LRRK2: variants seen among roughly 807,000 people sequenced by gnomAD.
LRRK2 encodes leucine-rich repeat serine/threonine-protein kinase 2.
LRRK2 carries 203 observed loss-of-function variants against 302.6 expected under a neutral mutation model. The ratio of observed to expected loss-of-function variants is 0.67; its 90% CI spans 0.60 to 0.75. LRRK2 has a LOEUF of 0.75. LRRK2 is among the 30% of genes least tolerant of loss of function. The probability of loss-of-function intolerance (pLI) is 0.00; values close to 1 mark genes in which losing one functional copy is unlikely to be tolerated. For synonymous variants in LRRK2, 1,066 were observed against 1,031.9 expected (o/e 1.03, Z -0.63); for missense variants, 2,830 against 2,951.0 (o/e 0.96, Z 0.95).
chr12:40,256,292 A>G (rs1942501373), intron 11 of LRRK2, among the ~76,000 whole-genome samples: 1 of 152,076 alleles, frequency 6.6e-6, no homozygotes, highest in Non-Finnish European at 1.5e-5. Flanking sequence ...ACAAAATATT[A>G]ACAAAAATTA....
At chr12:40,244,790 G>A (rs1021105127) in intron 7 of LRRK2, among the ~76,000 whole-genome samples, 1 of 150,734 alleles carries the variant, frequency 6.6e-6, no homozygotes, top group African/African-American at 2.4e-5. Context: ...GCTAGATGAC[G>A]AGTTAGTGGG....
At chr12:40,280,862 C>G (rs1943662513) in intron 18 of LRRK2, among the ~76,000 whole-genome samples, 1 of 151,356 alleles carries the variant, frequency 6.6e-6, no homozygotes, top group South Asian at 2.1e-4. Context: ...GTCAGGAGAT[C>G]GAGACCATCC....
At chr12:40,298,775 A>G in intron 24 of LRRK2, among the ~76,000 whole-genome samples, 1 of 102,850 alleles carries the variant, frequency 9.7e-6, no homozygotes, top group Non-Finnish European at 1.9e-5. Flanking sequence ...TCTGTCTCAA[A>G]GAAATATATA....
At chr12:40,350,849 T>C (rs1946328454) in intron 43 of LRRK2, among the ~76,000 whole-genome samples, 1 of 152,198 alleles carries the variant, frequency 6.6e-6, no homozygotes, top group Admixed American at 6.5e-5. Context: ...ACAGAATACT[T>C]AACAAATATG....
chr12:40,251,444 C>A (rs1942267827), intron 9 of LRRK2, 21 bp from the exon 10 acceptor site: 2 of 1,611,356 alleles, frequency 1.2e-6, no homozygotes, highest in Non-Finnish European at 8.5e-7. Flanking sequence ...TGACAGATTT[C>A]TTTTTTCTCC....
In LRRK2 at chr12:40,368,987, G is replaced by A. The variant is rs1318390083; in HGVS notation, c.*1222G>A. 6.6e-6 allele frequency: 1 copy of A among 151,792 alleles called. No homozygotes were observed. The highest frequency in any genetic ancestry group is 1.5e-5 in the Non-Finnish European group (1 of 67,760). The allele number at this position is 151,792 out of a possible 1,614,324, so 9.4% of individuals were successfully genotyped here. Reference sequence around the variant, plus strand: ...TATTTCAGATAATTCCCTGTGATAGGACAACTAGTACATTTAATATTCTCA... The same window carrying A: ...TATTTCAGATAATTCCCTGTGATAGAACAACTAGTACATTTAATATTCTCA... On this transcript the variant is annotated 3_prime_UTR_variant, in exon 51 of 51. Transcript: ENST00000298910.
chr12:40,284,924 C>G (rs1943859303), intron 19 of LRRK2, among the ~76,000 whole-genome samples: 1 of 152,086 alleles, frequency 6.6e-6, no homozygotes, highest in Admixed American at 6.6e-5. Context: ...GTCTACCAGT[C>G]TACTTTTTCC....
intron 33 of LRRK2, among the ~76,000 whole-genome samples, chr12:40,317,836 C>T (rs1010570559): frequency 1.3e-5 from 2 of 152,136 alleles, no homozygotes; most frequent in African/African-American, 2.4e-5. Flanking sequence ...CAAACCCCCT[C>T]GAAACTTGGA....
At chr12:40,328,282 A>G (rs942822387) in intron 38 of LRRK2, 78 bp from the exon 39 acceptor site, 31 of 1,101,920 alleles carry the variant, frequency 2.8e-5, no homozygotes, top group Non-Finnish European at 4.1e-5. Flanking sequence ...AACAGATATA[A>G]TTACAACAGA....
intron 25 of LRRK2, among the ~76,000 whole-genome samples, chr12:40,299,485 G>A (rs1944540172): frequency 6.6e-6 from 1 of 152,172 alleles, no homozygotes; most frequent in African/African-American, 2.4e-5. Context: ...AAGCCAATCT[G>A]AAAAGGCTAC....
intron 3 of LRRK2, among the ~76,000 whole-genome samples, chr12:40,233,356 T>C (rs1454119321): frequency 6.6e-6 from 1 of 152,242 alleles, no homozygotes; most frequent in African/African-American, 2.4e-5. Flanking sequence ...AAATTTAATT[T>C]ATGAAAAATT....
chr12:40,353,556 G>A (rs1592329893), intron 44 of LRRK2, among the ~76,000 whole-genome samples: 1 of 151,716 alleles, frequency 6.6e-6, no homozygotes, highest in East Asian at 2.0e-4. Context: ...GCCAGGCAGA[G>A]ACGCTCCTCA....
intron 41 of LRRK2, 118 bp from the exon 42 acceptor site, chr12:40,346,635 C>A: frequency 1.1e-6 from 1 of 912,502 alleles, no homozygotes; most frequent in Non-Finnish European, 1.7e-6. Flanking sequence ...ATAACACAGC[C>A]TGGTTTAGAA....
At chr12:40,299,552 T>C (rs1162746786) in intron 25 of LRRK2, among the ~76,000 whole-genome samples, 5 of 152,016 alleles carry the variant, frequency 3.3e-5, no homozygotes, top group Non-Finnish European at 7.4e-5. Flanking sequence ...ATGAGGACAT[T>C]AAAAAGATCA....
At chr12:40,323,823 G>A (rs1180956422) in intron 38 of LRRK2, among the ~76,000 whole-genome samples, 1 of 145,354 alleles carries the variant, frequency 6.9e-6, no homozygotes. Context: ...TTGATATGCT[G>A]AACAATTTAC....
chr12:40,356,886 T>C (rs895864074), intron 46 of LRRK2, among the ~76,000 whole-genome samples: 15 of 152,352 alleles, frequency 9.8e-5, no homozygotes, highest in African/African-American at 3.4e-4. Context: ...GAATGTGTAA[T>C]GATCAAGTCA....
At chr12:40,367,257 G>T in intron 50 of LRRK2, 180 bp downstream of exon 50, 1 of 558,160 alleles carries the variant, frequency 1.8e-6, no homozygotes, top group Non-Finnish European at 3.1e-6. Flanking sequence ...GATATGAAGT[G>T]TTAAATATTT....
At chr12:40,334,858 C>T in intron 39 of LRRK2, 109 bp from the exon 40 acceptor site, 2 of 1,216,556 alleles carry the variant, frequency 1.6e-6, no homozygotes, top group South Asian at 1.2e-5. Context: ...TGCTATGATC[C>T]AGTCATACAG....
chr12:40,225,127 C>T lies in LRRK2; in HGVS notation c.-5C>T. 1 of 1,613,634 alleles carries T rather than the reference C, an allele frequency of 6.2e-7. No individual in the cohort carries two copies. Among genetic ancestry groups the T allele is most frequent in the South Asian group, 1.1e-5 (1 of 91,064 alleles). On this transcript the variant is annotated 5_prime_UTR_variant, in exon 1 of 51. Transcript: ENST00000298910. ...GAGGGCGGCGGGTTGGAAGCAGGTGCCACCATGGCTAGTGGCAGCTGTCAG... is the reference window on the plus strand; with the variant it reads ...GAGGGCGGCGGGTTGGAAGCAGGTGTCACCATGGCTAGTGGCAGCTGTCAG...
Sources: gnomAD v4.1 joint callset for allele counts (sites outside exome capture counted in the v4.1 genomes callset) on GRCh38, gnomAD v4.1.1 for gene constraint, MANE v1.5 for transcripts, NCBI Gene and HGNC (gene_info 2026-07-23, HGNC 2026-07-21) for gene names.